The following GRM4 variants were observed in gnomAD, a reference collection of about 807,000 sequenced individuals.
The protein encoded by GRM4 is metabotropic glutamate receptor 4.
Under a neutral mutation model 81.7 loss-of-function variants are expected in GRM4, and 28 were observed. The ratio of observed to expected loss-of-function variants is 0.34; its 90% CI spans 0.25 to 0.47. GRM4 has a LOEUF of 0.47. Ranked by LOEUF, GRM4 falls within the 20% of genes least tolerant of loss-of-function variation. GRM4 has a pLI of 1.00. For missense variants in GRM4, 948 were observed against 1,290.0 expected (o/e 0.73, Z 4.06); for synonymous variants, 488 against 528.8 (o/e 0.92, Z 1.06).
At chr6:34,137,127 C>T (rs983831888) in intron 1 of GRM4, among the ~76,000 whole-genome samples, 9 of 152,230 alleles carry the variant, frequency 5.9e-5, no homozygotes, top group Admixed American at 6.5e-5. Context: ...GGGCATCCTT[C>T]CCCAGGTGAA....
intron 2 of GRM4, among the ~76,000 whole-genome samples, chr6:34,107,124 C>G (rs540625291): frequency 1.3e-5 from 2 of 152,178 alleles, no homozygotes; most frequent in Admixed American, 6.5e-5. Context: ...ATCTCCGAAG[C>G]CAGGGGTGAG....
chr6:34,081,397 G>T (rs1050534262), intron 3 of GRM4, among the ~76,000 whole-genome samples: 17 of 152,234 alleles, frequency 1.1e-4, no homozygotes, highest in African/African-American at 3.9e-4. Context: ...CACAGGCCAG[G>T]CCAGGCTGGC....
Position 34,028,377 on chromosome 6 carries a change from G to A in GRM4, c.2443-11C>T. 1 of 1,605,832 alleles carries A rather than the reference G, an allele frequency of 6.2e-7. No individual in the cohort carries two copies. On this transcript the variant is annotated splice_polypyrimidine_tract_variant and intron_variant, in intron 9 of 10. Transcript: ENST00000538487. ...CGTCTGGATGTACAGCTGGCGGAGG[G>A]CACGGTGGCGTCAGAGCAGGCTCTG...
At chr6:34,150,454 G>C (rs539031491), upstream of GRM4, among the ~76,000 whole-genome samples, 1 of 152,312 alleles carries the variant, frequency 6.6e-6, no homozygotes, top group South Asian at 2.1e-4. Flanking sequence ...TGGAGGTCAA[G>C]GCAGCTGGGA....
intron 2 of GRM4, among the ~76,000 whole-genome samples, chr6:34,119,859 A>G (rs2499726): frequency 0.55 from 83,740 of 151,912 alleles, 23,203 homozygotes; most frequent in Admixed American, 0.62. Context: ...AGAATGCGGG[A>G]GCCATATATA....
intron 4 of GRM4, chr6:34,060,243 C>T (rs1396061864): frequency 6.6e-6 from 1 of 152,238 alleles, no homozygotes; most frequent in Admixed American, 6.5e-5. Context: ...GGTGTAGCCC[C>T]CCCGCACCCT....
intron 1 of GRM4, among the ~76,000 whole-genome samples, chr6:34,153,877 A>G (rs1771094608): frequency 6.6e-6 from 1 of 151,812 alleles, no homozygotes; most frequent in Non-Finnish European, 1.5e-5. Flanking sequence ...CAATGAACCA[A>G]GATCACTCCA....
chr6:34,091,309 T>TG (rs1054578996), intron 3 of GRM4, among the ~76,000 whole-genome samples: 1 of 152,150 alleles, frequency 6.6e-6, no homozygotes, highest in Non-Finnish European at 1.5e-5. Flanking sequence ...GCACGCTTAA[T>TG]GGGGGAAGAT....
At chr6:34,056,756 C>T in intron 5 of GRM4, 72 bp from the exon 6 acceptor site, 1 of 1,536,874 alleles carries the variant, frequency 6.5e-7, no homozygotes, top group Non-Finnish European at 8.8e-7. Context: ...CCCGCCTCCC[C>T]CAGGATAAGA....
chr6:34,100,686 C>G (rs1157529270), intron 2 of GRM4, among the ~76,000 whole-genome samples: 1 of 152,258 alleles, frequency 6.6e-6, no homozygotes, highest in Non-Finnish European at 1.5e-5. Flanking sequence ...AGAGCTAATG[C>G]TGGGTGCTGG....
chr6:34,082,774 A>G (rs1185950134), intron 3 of GRM4, among the ~76,000 whole-genome samples: 2 of 152,258 alleles, frequency 1.3e-5, no homozygotes, highest in Non-Finnish European at 2.9e-5. Flanking sequence ...GTGAAGGACT[A>G]TTACTATCCC....
intron 2 of GRM4, chr6:34,110,582 C>G: frequency 3.0e-6 from 2 of 657,602 alleles, no homozygotes; most frequent in Non-Finnish European, 5.3e-6. Flanking sequence ...GTCATCTTCT[C>G]AGAGAGGTTG....
chr6:34,155,274 T>A, exon 1 of GRM4: 1 of 1,534,304 alleles, frequency 6.5e-7, no homozygotes, highest in South Asian at 1.2e-5. Context: ...AGGTGAGGTT[T>A]CCTTGGTGGG....
chr6:34,108,865 C>T (rs1769248332), intron 2 of GRM4, among the ~76,000 whole-genome samples: 1 of 152,112 alleles, frequency 6.6e-6, no homozygotes, highest in Non-Finnish European at 1.5e-5. Context: ...TCTCACCTCC[C>T]GTCCTGTACC....
Position 34,152,208 on chromosome 6 carries a change from A to G in GRM4, c.312+2871T>C, listed in dbSNP as rs1261377013. On this transcript the variant is annotated intron_variant, in intron 1 of 8. Coordinates refer to the GRM4 transcript ENST00000374177. This position sits in a 1 kb window ranked among gnomAD's most constrained non-coding sequence, Gnocchi z 4.1. ...GCTCCTTCCCAAGCAGGACCCAGAC[A>G]GCTGACAAGACAGAGAGCTGGACGT... 1.3e-5 allele frequency among the ~76,000 whole-genome samples: 2 copies of G among 152,162 alleles called. No individual in the cohort carries two copies. The highest frequency in any genetic ancestry group is 2.9e-5 in the Non-Finnish European group (2 of 68,028).
In GRM4 at chr6:34,078,635, C is replaced by T. The variant is rs1241512674; in HGVS notation, c.736+13248G>A. On this transcript the variant is annotated intron_variant, in intron 3 of 10. Coordinates refer to ENST00000538487, the MANE Select transcript of GRM4 (RefSeq NM_000841.4). The surrounding 1 kb of genome is among the most constrained non-coding windows in gnomAD (Gnocchi z 4.8). ...GCATGGAGGCTCAGGGAGATGGTCA[C>T]AGGGCCTCCACTGTCCCCTGTCCCG... Among the ~76,000 whole-genome samples the T allele has an allele frequency of 6.6e-6, 1 of 152,088 alleles. No homozygotes were observed. The highest frequency in any genetic ancestry group is 1.5e-5 in the Non-Finnish European group (1 of 68,004).
In GRM4 at chr6:34,070,272, G is replaced by A. The variant is rs75926210; in HGVS notation, c.737-8244C>T. ...TACTCTGTGCTCAGCGTCCACACGCGTGGGGTGGGTACCCACGTGCACCTG... is the reference window on the plus strand; with the variant it reads ...TACTCTGTGCTCAGCGTCCACACGCATGGGGTGGGTACCCACGTGCACCTG... On this transcript the variant is annotated intron_variant, in intron 3 of 10. Transcript: ENST00000538487. The surrounding 1 kb of genome is among the most constrained non-coding windows in gnomAD (Gnocchi z 4.6). 0.037 allele frequency among the ~76,000 whole-genome samples: 5,684 copies of A among 152,214 alleles called. 192 individuals carry two copies. Among genetic ancestry groups the A allele is most frequent in the East Asian group, 0.16 (847 of 5,148 alleles).
At chr6:34,053,856 C>T (rs1765730567) in intron 6 of GRM4, among the ~76,000 whole-genome samples, 1 of 152,302 alleles carries the variant, frequency 6.6e-6, no homozygotes, top group Admixed American at 6.5e-5. Flanking sequence ...CAGCCCTAAA[C>T]ACACATTAAA....
intron 2 of GRM4, among the ~76,000 whole-genome samples, chr6:34,096,937 TGTGA>T (rs932218329): frequency 5.3e-5 from 8 of 152,070 alleles, no homozygotes; most frequent in African/African-American, 1.9e-4. Flanking sequence ...TGTGTGTCTG[TGTGA>T]GTGTGTGCAT....
Sources: allele counts gnomAD v4.1 joint callset (sites outside exome capture counted in the v4.1 genomes callset), GRCh38; gene constraint gnomAD v4.1.1; non-coding constraint Gnocchi (gnomAD v3.1); transcripts MANE v1.5; gene names NCBI Gene and HGNC (gene_info 2026-07-23, HGNC 2026-07-21).